The following RRAS variants were observed in gnomAD, a reference collection of about 807,000 sequenced individuals.
The protein encoded by RRAS is RAS related, also known as ras-related protein R-Ras.
A neutral mutation model predicts 23.3 loss-of-function variants in RRAS; 18 were observed. The ratio of observed to expected loss-of-function variants is 0.77; its 90% CI spans 0.53 to 1.15. The LOEUF (loss-of-function observed/expected upper bound fraction) is 1.15. RRAS is among the 50% of genes most tolerant of loss of function. The pLI is 0.00. For missense variants in RRAS, 291 were observed against 317.1 expected (o/e 0.92, Z 0.62); for synonymous variants, 133 against 138.3 (o/e 0.96, Z 0.27).
chr19:49,635,854 T>TG lies in RRAS; in HGVS notation c.454-3dup. ...GGCAGAGGCTTCTGATCGGGGGACC[T>TG]GGGGGTAGGGGGGACACGGGGGAGT... On this transcript the variant is annotated splice_polypyrimidine_tract_variant and splice_region_variant and intron_variant, in intron 4 of 5. Transcript: ENST00000246792. The TG allele has an allele frequency of 3.9e-5, 13 of 331,878 alleles. No individual in the cohort carries two copies. Among genetic ancestry groups the TG allele is most frequent in the South Asian group, 1.3e-4 (5 of 37,872 alleles). 20.6% of individuals were successfully genotyped at this position (331,878 alleles called of 1,614,324 possible).
chr19:49,639,050 T>C (rs567453259), intron 1 of RRAS, among the ~76,000 whole-genome samples: 2 of 152,066 alleles, frequency 1.3e-5, no homozygotes, highest in South Asian at 4.2e-4. Context: ...AGGACTCTCT[T>C]AGGACTGGGT....
chr19:49,636,603 G>A lies in RRAS; in HGVS notation c.453+16C>T, dbSNP rs2080997189. The stretch of plus-strand genomic sequence containing the variant: ...CAGACTGAGATGGGGTCCCCAGAAA[G>A]AGGGGTGTCCCGAACCTGGCGCTGT... On this transcript the variant is annotated intron_variant, in intron 4 of 5. Coordinates refer to ENST00000246792, the MANE Select transcript of RRAS (RefSeq NM_006270.5). The surrounding 1 kb of genome is among the most constrained non-coding windows in gnomAD (Gnocchi z 4.5). The A allele has an allele frequency of 6.3e-7, 1 of 1,589,790 alleles. No individual in the cohort carries two copies. The highest frequency in any genetic ancestry group is 2.2e-5 in the East Asian group (1 of 44,760).
At chr19:49,638,171 G>A (rs973338417) in intron 1 of RRAS, among the ~76,000 whole-genome samples, 2 of 152,096 alleles carry the variant, frequency 1.3e-5, no homozygotes, top group East Asian at 1.9e-4. Context: ...GTTCCAATCC[G>A]GCTGCGGAGA....
Position 49,636,605 on chromosome 19 carries a change from G to C in RRAS, c.453+14C>G, listed in dbSNP as rs769850874. 6.3e-7 allele frequency: 1 copy of C among 1,593,280 alleles called. No homozygotes were observed. Among genetic ancestry groups the C allele is most frequent in the East Asian group, 2.2e-5 (1 of 44,786 alleles). On this transcript the variant is annotated intron_variant, in intron 4 of 5. Transcript: ENST00000246792. The surrounding 1 kb of genome is among the most constrained non-coding windows in gnomAD (Gnocchi z 4.5). ...GACTGAGATGGGGTCCCCAGAAAGA[G>C]GGGTGTCCCGAACCTGGCGCTGTGA...
rs2080998082 is a variant in RRAS, at chr19:49,636,723, T to A, written c.349A>T (p.Asn117Tyr). 1 of 1,613,826 alleles carries A rather than the reference T, an allele frequency of 6.2e-7. No homozygotes were observed. Among genetic ancestry groups the A allele is most frequent in the African/African-American group, 1.3e-5 (1 of 74,914 alleles). Residue 117 changes from asparagine to tyrosine, a missense_variant, in exon 4 of 6, where the codon AAC (asparagine) becomes TAC (tyrosine). Physicochemically the swap from Asn to Tyr is moderately radical, Grantham distance 143. Transcript: ENST00000246792. This position sits in a 1 kb window ranked among gnomAD's most constrained non-coding sequence, Gnocchi z 4.5. ...TGCGTGAAGAGCTTGCCCACCTCGT[T>A]GAAACTGCGAGTGAAGCCGGAGGCA... ...VFAINDRQSFNEVGKLFTQIL... is the reference protein window; with the variant it reads ...VFAINDRQSFYEVGKLFTQIL...
chr19:49,637,070 C>T lies in RRAS; in HGVS notation c.214G>A (p.Val72Met), dbSNP rs748904374. The T allele has an allele frequency of 9.9e-6, 16 of 1,613,812 alleles. No homozygotes were observed. The highest frequency in any genetic ancestry group is 2.2e-5 in the East Asian group (1 of 44,874). ...TCCAGCCGGGCTGGGATGCCATCCA[C>T]ACTGCAGATCTTCGTGTAGGAGTCC... ...IEDSYTKICSVDGIPARLDIL... is the reference protein window; with the variant it reads ...IEDSYTKICSMDGIPARLDIL... The change falls in exon 2 of 6, where the codon GTG becomes ATG. Residue 72 changes from valine (V) to methionine (M), a missense_variant. Val to Met is a conservative substitution (Grantham distance 21). Transcript: ENST00000246792.
chr19:49,638,510 G>A (rs2081007139), intron 1 of RRAS, among the ~76,000 whole-genome samples: 1 of 152,150 alleles, frequency 6.6e-6, no homozygotes, highest in East Asian at 1.9e-4. Context: ...GGGGTGATGT[G>A]GAGGCTAGGG....
Position 49,637,023 on chromosome 19 carries a change from T to C in RRAS, c.241+20A>G, listed in dbSNP as rs967945950. 1.9e-6 allele frequency: 3 copies of C among 1,612,134 alleles called. No homozygotes were observed. The highest frequency in any genetic ancestry group is 1.7e-5 in the Admixed American group (1 of 59,960). On this transcript the variant is annotated intron_variant, in intron 2 of 5. Transcript: ENST00000246792. The stretch of plus-strand genomic sequence containing the variant: ...CCACTGACACCACCCCCATCCATCA[T>C]CCATCCTTGCCGCCCTCACTGTCCA...
chr19:49,636,511 G>A lies in RRAS; in HGVS notation c.453+108C>T, dbSNP rs372935035. 9 of 823,916 alleles carry A rather than the reference G, an allele frequency of 1.1e-5. No homozygotes were observed. The highest frequency in any genetic ancestry group is 3.3e-5 in the African/African-American group (2 of 59,762). 51.0% of individuals were successfully genotyped at this position (823,916 alleles called of 1,614,324 possible). The stretch of plus-strand genomic sequence containing the variant: ...CATCTAGGTGAGCTGTGTGACAGTG[G>A]CAGTCGCAGCACTGCAGGAACAGAG... On this transcript the variant is annotated intron_variant, in intron 4 of 5. Transcript: ENST00000246792. The surrounding 1 kb of genome is among the most constrained non-coding windows in gnomAD (Gnocchi z 4.5).
intron 1 of RRAS, among the ~76,000 whole-genome samples, 165 bp from the exon 2 acceptor site, chr19:49,637,295 CTGAG>C (rs1384469770): frequency 8.2e-6 from 1 of 121,884 alleles, no homozygotes; most frequent in South Asian, 2.7e-4. Context: ...GTCTGTCTCT[CTGAG>C]TCTTTTTTTT....
chr19:49,639,294 A>G (rs923999982), intron 1 of RRAS, among the ~76,000 whole-genome samples: 14 of 151,866 alleles, frequency 9.2e-5, no homozygotes, highest in African/African-American at 3.4e-4. Context: ...GCATGGTGGC[A>G]CTCGCCTGTA....
chr19:49,638,526 A>T (rs1184587413), intron 1 of RRAS, among the ~76,000 whole-genome samples: 1 of 151,870 alleles, frequency 6.6e-6, no homozygotes, highest in Non-Finnish European at 1.5e-5. Context: ...TAGGGGTCTG[A>T]AGGCTGCATC....
chr19:49,635,695 G>C, intron 5 of RRAS, 35 bp from the exon 6 acceptor site: 4 of 1,531,244 alleles, frequency 2.6e-6, no homozygotes, highest in African/African-American at 1.4e-5. Flanking sequence ...GGAGTGGAAG[G>C]GCTGGGGACA....
At chr19:49,639,534 A>C (rs2081012501) in intron 1 of RRAS, among the ~76,000 whole-genome samples, 1 of 151,200 alleles carries the variant, frequency 6.6e-6, no homozygotes, top group African/African-American at 2.4e-5. Context: ...AATGGCTTAG[A>C]GGGGAAGTTG....
At chr19:49,637,301 C>CCT (rs2081001586) in intron 1 of RRAS, among the ~76,000 whole-genome samples, 171 bp from the exon 2 acceptor site, 4 of 104,114 alleles carry the variant, frequency 3.8e-5, no homozygotes, top group African/African-American at 1.5e-4. Context: ...CTCTCTGAGT[C>CCT]TTTTTTTTTT....
In RRAS at chr19:49,635,583, A is replaced by G; in HGVS notation, c.650T>C (p.Leu217Pro). Residue 217 changes from leucine (L) to proline (P), a missense_variant, in exon 6 of 6, where the codon CTC becomes CCC. By Grantham distance (98) the Leu-to-Pro change is moderately conservative. Coordinates refer to ENST00000246792, the MANE Select transcript of RRAS (RefSeq NM_006270.5). ...RKKGGGCPCVLL is the reference protein window; with the variant it reads ...RKKGGGCPCVPL ...GCTTCTCTCTTGCCTGGGCTACAGGAGGACGCAGGGGCAGCCCCCGCCCTT... is the reference window on the plus strand; with the variant it reads ...GCTTCTCTCTTGCCTGGGCTACAGGGGGACGCAGGGGCAGCCCCCGCCCTT... 1 of 1,440,562 alleles carries G rather than the reference A, an allele frequency of 6.9e-7. No individual in the cohort carries two copies. Among genetic ancestry groups the G allele is most frequent in the South Asian group, 1.6e-5 (1 of 63,096 alleles). 89.2% of individuals were successfully genotyped at this position (1,440,562 alleles called of 1,614,324 possible).
intron 1 of RRAS, 125 bp downstream of exon 1, chr19:49,639,821 T>C (rs1399390527): frequency 2.7e-6 from 2 of 752,004 alleles, no homozygotes; most frequent in Admixed American, 7.1e-5. Context: ...GGGGATCTTT[T>C]AAGATTAGAG....
At chr19:49,638,692 G>T (rs2081008094) in intron 1 of RRAS, among the ~76,000 whole-genome samples, 3 of 152,134 alleles carry the variant, frequency 2.0e-5, no homozygotes, top group Non-Finnish European at 4.4e-5. Flanking sequence ...CCAGCCCGGA[G>T]GTGGCTCAGG....
chr19:49,639,746 G>A (rs2081013541), intron 1 of RRAS, among the ~76,000 whole-genome samples, 200 bp downstream of exon 1: 1 of 152,172 alleles, frequency 6.6e-6, no homozygotes. Flanking sequence ...CGGGATGCGA[G>A]TGCAGAAGGA....
Sources: allele counts gnomAD v4.1 joint callset (sites outside exome capture counted in the v4.1 genomes callset), GRCh38; gene constraint gnomAD v4.1.1; non-coding constraint Gnocchi (gnomAD v3.1); transcripts MANE v1.5; gene names NCBI Gene and HGNC (gene_info 2026-07-23, HGNC 2026-07-21).